Variants in CCDC102B observed in about 807,000 individuals in gnomAD.
The protein encoded by CCDC102B is coiled-coil domain-containing protein 102B.
In CCDC102B, 75 loss-of-function variants were observed where a neutral mutation model predicts 57.4. The observed-to-expected ratio is 1.31, with a 90% CI of 1.08 to 1.58. The LOEUF (loss-of-function observed/expected upper bound fraction) is 1.58, where lower values mean the gene tolerates loss of function less well. Ranked by LOEUF, CCDC102B falls within the 40% of genes most tolerant of loss-of-function variation. CCDC102B has a pLI of 0.00. For synonymous variants in CCDC102B, 206 were observed against 201.9 expected (o/e 1.02, Z -0.17); for missense variants, 636 against 582.6 (o/e 1.09, Z -0.94).
chr18:68,758,388 G>T (rs2034130320), intron 2 of CCDC102B, among the ~76,000 whole-genome samples: 1 of 151,892 alleles, frequency 6.6e-6, no homozygotes, highest in Non-Finnish European at 1.5e-5. Flanking sequence ...TGCTTGTGCT[G>T]CTGTAAGAAT....
chr18:68,947,735 A>T (rs2049581953), intron 6 of CCDC102B, among the ~76,000 whole-genome samples: 1 of 152,038 alleles, frequency 6.6e-6, no homozygotes, highest in African/African-American at 2.4e-5. Context: ...CAGCTTTTTA[A>T]AATTAGAATC....
rs781296143 is a variant in CCDC102B, at chr18:68,869,055, C to G, written c.937-5614C>G. Among the ~76,000 whole-genome samples, 3 of 146,052 alleles carry G rather than the reference C, an allele frequency of 2.1e-5. No homozygotes were observed. In the South Asian group the frequency reaches 6.2e-4, roughly 30 times the overall value. ...AGTTAAAGATTTCTGACCTTATCAG[C>G]CAGGTGGCCATTCACCAAGAGAACA... On this transcript the variant is annotated intron_variant, in intron 4 of 7. Coordinates refer to ENST00000360242, the MANE Select transcript of CCDC102B (RefSeq NM_024781.3).
intron 1 of CCDC102B, among the ~76,000 whole-genome samples, chr18:68,834,013 A>G (rs1400591432): frequency 1.4e-5 from 1 of 70,890 alleles, no homozygotes; most frequent in East Asian, 4.8e-4. Flanking sequence ...GTATAGGGAA[A>G]TGAAGACTTT....
At chr18:68,727,600 A>G (rs1006318908) in intron 2 of CCDC102B, among the ~76,000 whole-genome samples, 3 of 152,236 alleles carry the variant, frequency 2.0e-5, no homozygotes, top group African/African-American at 7.2e-5. Flanking sequence ...CTGAAAAGCC[A>G]TCTGAAGACT....
intron 6 of CCDC102B, among the ~76,000 whole-genome samples, chr18:68,960,296 C>T (rs1262012775): frequency 6.6e-6 from 1 of 152,152 alleles, no homozygotes; most frequent in Non-Finnish European, 1.5e-5. Context: ...GAATCCTCAC[C>T]AGCATTTGTA....
chr18:68,864,790 C>CT (rs2038905587), intron 4 of CCDC102B, among the ~76,000 whole-genome samples: 1 of 151,990 alleles, frequency 6.6e-6, no homozygotes, highest in Non-Finnish European at 1.5e-5. Context: ...AATGTAGAAA[C>CT]ATTTTCTGGC....
chr18:68,772,848 T>G (rs2034686148), intron 2 of CCDC102B, among the ~76,000 whole-genome samples: 1 of 151,846 alleles, frequency 6.6e-6, no homozygotes, highest in African/African-American at 2.4e-5. Context: ...TTTTCCAGAG[T>G]TCTCTATAGT....
chr18:69,044,441 TCTC>T (rs2052508811), intron 7 of CCDC102B, among the ~76,000 whole-genome samples: 1 of 152,150 alleles, frequency 6.6e-6, no homozygotes, highest in African/African-American at 2.4e-5. Flanking sequence ...ATGTAATAGT[TCTC>T]CTGGGAAACC....
intron 5 of CCDC102B, among the ~76,000 whole-genome samples, chr18:68,883,708 G>T (rs2039775377): frequency 6.6e-6 from 1 of 152,188 alleles, no homozygotes; most frequent in African/African-American, 2.4e-5. Context: ...TGTGCATAAA[G>T]AACAGGGAAA....
chr18:68,838,973 C>A, intron 3 of CCDC102B, 47 bp downstream of exon 3: 1 of 1,454,642 alleles, frequency 6.9e-7, no homozygotes, highest in Non-Finnish European at 9.6e-7. Flanking sequence ...AGTTTCAAAT[C>A]ACTTAAAATT....
At chr18:68,965,704 A>T (rs1444403179) in intron 6 of CCDC102B, among the ~76,000 whole-genome samples, 1 of 152,030 alleles carries the variant, frequency 6.6e-6, no homozygotes, top group Non-Finnish European at 1.5e-5. Flanking sequence ...TTCCAGTATC[A>T]GTATCTCTGA....
At chr18:69,044,350 CA>C (rs1240031745) in intron 7 of CCDC102B, among the ~76,000 whole-genome samples, 1 of 152,134 alleles carries the variant, frequency 6.6e-6, no homozygotes, top group Non-Finnish European at 1.5e-5. Context: ...GACCATTGTG[CA>C]GATTAAATGA....
In CCDC102B at chr18:68,972,541, GA is replaced by G. The variant is rs1334368599; in HGVS notation, c.1264-38389del. ...ATCTCACCTGGTTCAAAACGATGGG[GA>G]AAATGTTTGTTATCTAATACATCTC... On this transcript the variant is annotated intron_variant, in intron 6 of 7. Coordinates refer to ENST00000360242, the MANE Select transcript of CCDC102B (RefSeq NM_024781.3). Among the ~76,000 whole-genome samples, 5 of 152,116 alleles carry G rather than the reference GA, an allele frequency of 3.3e-5. No individual in the cohort carries two copies. In the East Asian group the frequency reaches 9.7e-4, roughly 29 times the overall value.
At chr18:68,719,019 C>A (rs930331214) in intron 2 of CCDC102B, among the ~76,000 whole-genome samples, 1 of 151,502 alleles carries the variant, frequency 6.6e-6, no homozygotes, top group Admixed American at 6.6e-5. Context: ...ATATAGGCAG[C>A]AAAACTTAAA....
chr18:68,924,658 C>G (rs926638522), intron 6 of CCDC102B, among the ~76,000 whole-genome samples: 3 of 152,052 alleles, frequency 2.0e-5, no homozygotes, highest in African/African-American at 7.2e-5. Context: ...AGAAGAATTT[C>G]TATGTGAGGG....
intron 2 of CCDC102B, among the ~76,000 whole-genome samples, chr18:68,735,501 C>T (rs1220699561): frequency 6.6e-6 from 1 of 152,214 alleles, no homozygotes; most frequent in Non-Finnish European, 1.5e-5. Context: ...ATCCTTGCTT[C>T]TTTGCAGGTG....
At chr18:68,935,517 T>C (rs936064420) in intron 6 of CCDC102B, among the ~76,000 whole-genome samples, 7 of 151,850 alleles carry the variant, frequency 4.6e-5, no homozygotes, top group African/African-American at 1.7e-4. Flanking sequence ...GAAATACCCA[T>C]TAGACAACCA....
At position 68,818,150 on chromosome 18, in the gene CCDC102B, C is replaced by T. The variant is rs528191343; in HGVS notation, c.-15-18599C>T. Among the ~76,000 whole-genome samples the T allele has an allele frequency of 3.2e-4, 44 of 135,586 alleles. 1 individual carries two copies. The South Asian group carries it at 0.011, about 35-fold the overall frequency. 88.9% of individuals were successfully genotyped at this position (135,586 alleles called of 152,430 possible). ...TCTTTTGGAGGAAAATGTCTCCTTTCCAGTGTAGCTAGCTGACTGAGCTAC... is the reference window on the plus strand; with the variant it reads ...TCTTTTGGAGGAAAATGTCTCCTTTTCAGTGTAGCTAGCTGACTGAGCTAC... On this transcript the variant is annotated intron_variant, in intron 1 of 7. Coordinates refer to ENST00000360242, the MANE Select transcript of CCDC102B (RefSeq NM_024781.3).
At chr18:68,733,508 T>TATATATATATATATATA (rs1568222920) in intron 2 of CCDC102B, among the ~76,000 whole-genome samples, 1,606 of 90,200 alleles carry the variant, frequency 0.018, 71 homozygotes, top group African/African-American at 0.035. Flanking sequence ...ATATATATAT[T>TATATATATATATATATA]TTTTTAACTT....
Sources: gnomAD v4.1 joint callset for allele counts (sites outside exome capture counted in the v4.1 genomes callset) on GRCh38, gnomAD v4.1.1 for gene constraint, MANE v1.5 for transcripts, NCBI Gene and HGNC (gene_info 2026-07-23, HGNC 2026-07-21) for gene names.